Variants in TASP1 observed in about 807,000 individuals in gnomAD.
The protein encoded by TASP1 is threonine aspartase 1.
TASP1 carries 16 observed loss-of-function variants against 56.6 expected under a neutral mutation model. The ratio of observed to expected loss-of-function variants is 0.28; its 90% CI spans 0.19 to 0.43. TASP1 has a LOEUF of 0.43. Ranked by LOEUF, TASP1 falls within the 20% of genes least tolerant of loss-of-function variation. The probability of loss-of-function intolerance (pLI) is 1.00; values close to 1 mark genes in which losing one functional copy is unlikely to be tolerated. For synonymous variants in TASP1, 179 were observed against 184.2 expected, an observed-to-expected ratio of 0.97 and a Z score of 0.23; for missense variants, 393 against 511.6, an observed-to-expected ratio of 0.77 and a Z score of 2.24.
intron 11 of TASP1, among the ~76,000 whole-genome samples, chr20:13,482,679 A>G (rs2043182125): frequency 6.6e-6 from 1 of 152,156 alleles, no homozygotes; most frequent in South Asian, 2.1e-4. Context: ...CTTCTCATTA[A>G]CATTCTGAGA....
intron 1 of TASP1, among the ~76,000 whole-genome samples, chr20:13,634,991 G>A (rs1381016823): frequency 4.6e-5 from 7 of 152,090 alleles, no homozygotes; most frequent in Non-Finnish European, 8.8e-5. Flanking sequence ...CCGCGCCATC[G>A]CACTCCAGCC....
chr20:13,146,657 A>G, the TASP1 span, among the ~76,000 whole-genome samples: 1 of 152,274 alleles, frequency 6.6e-6, no homozygotes, highest in East Asian at 1.9e-4. Flanking sequence ...TTTTGGTTAT[A>G]TATTATTTGA....
chr20:13,270,031 T>C, the TASP1 span, among the ~76,000 whole-genome samples: 1 of 152,094 alleles, frequency 6.6e-6, no homozygotes, highest in Admixed American at 6.6e-5. Context: ...TGGATGAATG[T>C]ATGTAATGAA....
At chr20:13,173,009 G>A in the TASP1 span, among the ~76,000 whole-genome samples, 1 of 152,182 alleles carries the variant, frequency 6.6e-6, no homozygotes, top group African/African-American at 2.4e-5. Context: ...TTTCCAGCCT[G>A]TGGCTCCACC....
chr20:13,489,321 G>A (rs896933003), intron 10 of TASP1, among the ~76,000 whole-genome samples: 2 of 152,082 alleles, frequency 1.3e-5, no homozygotes, highest in Non-Finnish European at 2.9e-5. Flanking sequence ...CACATTCTTA[G>A]GCAACTACAA....
intron 11 of TASP1, among the ~76,000 whole-genome samples, chr20:13,449,526 T>G (rs1568816966): frequency 6.6e-6 from 1 of 152,150 alleles, no homozygotes; most frequent in Non-Finnish European, 1.5e-5. Flanking sequence ...GTACTCTCAT[T>G]AACTTTGTTT....
intron 8 of TASP1, among the ~76,000 whole-genome samples, chr20:13,538,081 C>T (rs977814128): frequency 1.3e-5 from 2 of 151,608 alleles, no homozygotes; most frequent in African/African-American, 2.4e-5. Context: ...TGGCTCACAG[C>T]AACCTCCACC....
chr20:13,612,553 G>A (rs1443373709), intron 4 of TASP1, among the ~76,000 whole-genome samples: 1 of 151,284 alleles, frequency 6.6e-6, no homozygotes, highest in African/African-American at 2.4e-5. Flanking sequence ...AAGCGCATGG[G>A]AGGTGGGGCT....
intron 11 of TASP1, among the ~76,000 whole-genome samples, chr20:13,449,985 C>T (rs570765237): frequency 9.2e-5 from 14 of 152,056 alleles, no homozygotes; most frequent in Non-Finnish European, 1.5e-4. Context: ...TTGAAGATAC[C>T]GAAGGTTCAT....
the TASP1 span, among the ~76,000 whole-genome samples, chr20:13,341,635 T>C: frequency 6.6e-4 from 101 of 152,356 alleles, no homozygotes; most frequent in Non-Finnish European, 7.1e-4. Context: ...ACTTGTAATG[T>C]GGCCTTATCT....
At chr20:13,417,555 A>G (rs751175034) in intron 12 of TASP1, 34 bp from the exon 13 acceptor site, 1 of 1,607,372 alleles carries the variant, frequency 6.2e-7, no homozygotes, top group Non-Finnish European at 8.5e-7. Flanking sequence ...AGGCACATTC[A>G]GATCACAGAT....
intron 9 of TASP1, 79 bp from the exon 10 acceptor site, chr20:13,528,590 C>T: frequency 1.5e-5 from 18 of 1,230,710 alleles, no homozygotes; most frequent in Non-Finnish European, 2.0e-5. Context: ...ATCATACCCT[C>T]TAATAAAGCC....
rs545096988 is a variant in TASP1 at position 13,589,437 on chromosome 20, T to C, written c.283-2067A>G. Among the ~76,000 whole-genome samples, 21 of 152,286 alleles carry C rather than the reference T, an allele frequency of 1.4e-4. No homozygotes were observed. The East Asian group carries it at 3.9e-3, about 28-fold the overall frequency. ...AAGAAAATGAAGTTGGACCCCTATC[T>C]CACACCATGTATAAAAATTAACTCA... On this transcript the variant is annotated intron_variant, in intron 4 of 13. Transcript: ENST00000337743.
intron 11 of TASP1, among the ~76,000 whole-genome samples, chr20:13,473,152 C>A (rs1350173467): frequency 6.6e-6 from 1 of 152,102 alleles, no homozygotes; most frequent in African/African-American, 2.4e-5. Flanking sequence ...GAATACTATG[C>A]AGCCATAAAA....
intron 12 of TASP1, among the ~76,000 whole-genome samples, chr20:13,422,454 T>C (rs1233361725): frequency 6.6e-6 from 1 of 152,180 alleles, no homozygotes; most frequent in Non-Finnish European, 1.5e-5. Flanking sequence ...TAGATGTTAC[T>C]TTAGCACCTT....
downstream of TASP1, among the ~76,000 whole-genome samples, chr20:13,384,420 G>A (rs763535595): frequency 6.6e-6 from 1 of 152,120 alleles, no homozygotes; most frequent in Non-Finnish European, 1.5e-5. Flanking sequence ...GAAGCTGAGT[G>A]TGCCGCCTTG....
At chr20:13,387,217 G>T (rs2041170790), downstream of TASP1, among the ~76,000 whole-genome samples, 1 of 117,668 alleles carries the variant, frequency 8.5e-6, no homozygotes, top group Non-Finnish European at 1.6e-5. Context: ...TTTTGAGATG[G>T]AGTTTCACTC....
At chr20:13,179,406 C>CGTGTGT in the TASP1 span, among the ~76,000 whole-genome samples, 5,989 of 143,468 alleles carry the variant, frequency 0.042, 142 homozygotes, top group East Asian at 0.054. Context: ...GAATTATGTG[C>CGTGTGT]GTGTGTGTGT....
intron 1 of TASP1, among the ~76,000 whole-genome samples, chr20:13,634,914 G>C (rs1489610356): frequency 6.6e-6 from 1 of 152,044 alleles, no homozygotes; most frequent in Non-Finnish European, 1.5e-5. Context: ...TGTAATCCCA[G>C]CTACTCGGAA....
Sources: allele counts gnomAD v4.1 joint callset (sites outside exome capture counted in the v4.1 genomes callset), GRCh38; gene constraint gnomAD v4.1.1; transcripts MANE v1.5; gene names NCBI Gene and HGNC (gene_info 2026-07-23, HGNC 2026-07-21).